Variants in OR10A7 observed in about 807,000 individuals in gnomAD.
OR10A7 encodes olfactory receptor 10A7.
For synonymous variants in OR10A7, 151 were observed against 137.2 expected (o/e 1.10, Z -0.70); for missense variants, 434 against 383.6 (o/e 1.13, Z -1.10).
At position 55,221,232 on chromosome 12, in the gene OR10A7, G is replaced by A. The variant is rs760505741; in HGVS notation, c.208G>A (p.Glu70Lys). Residue 70 changes from glutamate (E) to lysine (K), a missense_variant, in exon 1 of 1, where the codon GAA becomes AAA. Glu to Lys is a moderately conservative substitution (Grantham distance 56). Coordinates refer to ENST00000326258, the MANE Select transcript of OR10A7 (RefSeq NM_001005280.1). The stretch of plus-strand genomic sequence containing the variant: ...CTTTCTTCAAAATCTGTCACTTCTT[G>A]AAGTATGTTTCACCTTGGTTATGGT... ...YFFLQNLSLLEVCFTLVMVPK... is the reference protein window; with the variant it reads ...YFFLQNLSLLKVCFTLVMVPK... The A allele has an allele frequency of 1.2e-5, 19 of 1,613,724 alleles. No individual in the cohort carries two copies. In the African/African-American group the frequency reaches 1.9e-4, roughly 16 times the overall value.
Position 55,221,849 on chromosome 12 carries a change from A to G in OR10A7, c.825A>G (p.Ser275=). 6.2e-7 allele frequency: 1 copy of G among 1,613,718 alleles called. No homozygotes were observed. The highest frequency in any genetic ancestry group is 1.1e-5 in the South Asian group (1 of 91,084). The change falls in exon 1 of 1, where the codon TCA becomes TCG. Residue 275 remains serine (S), a synonymous_variant. Coordinates refer to ENST00000326258, the MANE Select transcript of OR10A7 (RefSeq NM_001005280.1). ...CCCCTGAGAGCAAGAAGCTAGTGTCATTGTCCTACACTGTCATCACACCTA... is the reference window on the plus strand; with the variant it reads ...CCCCTGAGAGCAAGAAGCTAGTGTCGTTGTCCTACACTGTCATCACACCTA... The part of the protein sequence containing the change: ...NQSPESKKLV[S]LSYTVITPML...
At position 55,221,750 on chromosome 12, in the gene OR10A7, C is replaced by T. The variant is rs754261712; in HGVS notation, c.726C>T (p.Ser242=). 1.6e-5 allele frequency: 26 copies of T among 1,613,694 alleles called. No individual in the cohort carries two copies. Among genetic ancestry groups the T allele is most frequent in the Non-Finnish European group, 2.2e-5 (26 of 1,179,770 alleles). ...TGRQKAFSTC[S]SHLIVVSLFY... ...GCCAGAAGGCATTTTCTACTTGTTC[C>T]TCACACCTCATTGTGGTGTCCCTCT... Residue 242 remains serine (S), a synonymous_variant, in exon 1 of 1, where the codon TCC becomes TCT. Coordinates refer to ENST00000326258, the MANE Select transcript of OR10A7 (RefSeq NM_001005280.1).
rs138358769 is a variant in OR10A7 at position 55,221,682 on chromosome 12, C to T, written c.658C>T (p.Arg220Cys). The T allele has an allele frequency of 1.3e-5, 21 of 1,613,676 alleles. No homozygotes were observed. In the Admixed American group the frequency reaches 1.8e-4, roughly 14 times the overall value. ...TTGTCTCATTTTGGTTTCCTACACC[C>T]GCATTATCATAACAATTCTGAGGAT... ...PFCLILVSYT[R>C]IIITILRMSS... Residue 220 changes from arginine (R) to cysteine (C), a missense_variant, in exon 1 of 1, where the codon CGC becomes TGC. By Grantham distance (180) the Arg-to-Cys change is radical. Transcript: ENST00000326258.
At position 55,221,489 on chromosome 12, in the gene OR10A7, G is replaced by A. The variant is rs779428750; in HGVS notation, c.465G>A (p.Val155=). The A allele has an allele frequency of 6.2e-7, 1 of 1,613,638 alleles. No homozygotes were observed. The highest frequency in any genetic ancestry group is 1.3e-5 in the African/African-American group (1 of 74,848). ...AIGSWMSGVP[V]SMLQTAWMMA... Reference sequence around the variant, plus strand: ...GCTCTTGGATGTCCGGTGTTCCTGTGTCTATGCTACAGACAGCTTGGATGA... The same window carrying A: ...GCTCTTGGATGTCCGGTGTTCCTGTATCTATGCTACAGACAGCTTGGATGA... The change falls in exon 1 of 1, where the codon GTG becomes GTA. Residue 155 remains valine, a synonymous_variant. Coordinates refer to ENST00000326258, the MANE Select transcript of OR10A7 (RefSeq NM_001005280.1).
rs1489055903 is a variant in OR10A7, at chr12:55,221,480, T to C, written c.456T>C (p.Gly152=). The C allele has an allele frequency of 6.2e-7, 1 of 1,613,646 alleles. No homozygotes were observed. Among genetic ancestry groups the C allele is most frequent in the African/African-American group, 1.3e-5 (1 of 74,848 alleles). Residue 152 remains glycine (G), a synonymous_variant, in exon 1 of 1, where the codon GGT becomes GGC. Coordinates refer to ENST00000326258, the MANE Select transcript of OR10A7 (RefSeq NM_001005280.1). Reference sequence around the variant, plus strand: ...TGGCCATAGGCTCTTGGATGTCCGGTGTTCCTGTGTCTATGCTACAGACAG... The same window carrying C: ...TGGCCATAGGCTCTTGGATGTCCGGCGTTCCTGTGTCTATGCTACAGACAG... ...LWMAIGSWMS[G]VPVSMLQTAW... is the part of the protein sequence containing the mutation.
Position 55,221,437 on chromosome 12 carries a change from G to A in OR10A7, c.413G>A (p.Arg138Lys). The change falls in exon 1 of 1, where the codon AGG becomes AAG. Residue 138 changes from arginine to lysine, a missense_variant. Physicochemically the swap from Arg to Lys is conservative, Grantham distance 26. Transcript: ENST00000326258. Reference protein sequence around the residue: ...NPLHYSVIMNRSLCLWMAIGS... With the variant: ...NPLHYSVIMNKSLCLWMAIGS... ...CTCCATTATTCAGTCATAATGAACA[G>A]GTCCCTATGCTTGTGGATGGCCATA... 1.2e-6 allele frequency: 2 copies of A among 1,613,764 alleles called. No homozygotes were observed. Among genetic ancestry groups the A allele is most frequent in the Non-Finnish European group, 1.7e-6 (2 of 1,179,858 alleles).
In OR10A7 at chr12:55,221,916, A is replaced by T; in HGVS notation, c.892A>T (p.Lys298Ter). 6.2e-7 allele frequency: 1 copy of T among 1,612,654 alleles called. No homozygotes were observed. The highest frequency in any genetic ancestry group is 8.5e-7 in the Non-Finnish European group (1 of 1,179,754). ...IIYGLRNNEV[K>*]GAVKRTITQK... ...CTACGGCCTGAGGAACAATGAAGTG[A>T]AAGGGGCTGTCAAGAGGACAATCAC... The change falls in exon 1 of 1, where the codon AAA becomes TAA. Residue 298 changes from lysine to a stop codon, truncating the protein, a stop_gained. Coordinates refer to ENST00000326258, the MANE Select transcript of OR10A7 (RefSeq NM_001005280.1). LOFTEE classifies it low-confidence loss of function (END_TRUNC).
At position 55,221,184 on chromosome 12, in the gene OR10A7, G is replaced by C; in HGVS notation, c.160G>C (p.Ala54Pro). Reference sequence around the variant, plus strand: ...TGTCACAGTTACCAGTGTGGATCTCGCACTTCAAACACCCATGTACTTCTT... The same window carrying C: ...TGTCACAGTTACCAGTGTGGATCTCCCACTTCAAACACCCATGTACTTCTT... ...LIVTVTSVDL[A>P]LQTPMYFFLQ... The change falls in exon 1 of 1, where the codon GCA becomes CCA. Residue 54 changes from alanine to proline, a missense_variant. Ala to Pro is a conservative substitution (Grantham distance 27). Transcript: ENST00000326258. 6.2e-7 allele frequency: 1 copy of C among 1,604,724 alleles called. No homozygotes were observed. Among genetic ancestry groups the C allele is most frequent in the South Asian group, 1.1e-5 (1 of 90,738 alleles).
rs759929972 is a variant in OR10A7, at chr12:55,221,812, A to G, written c.788A>G (p.Lys263Arg). ...GCCAGTCTGACCTACCTGCGGCCCA[A>G]ATCAAACCAGTCCCCTGAGAGCAAG... is the stretch of plus-strand genomic sequence containing the variant. The part of the protein sequence containing the change: ...GTASLTYLRP[K>R]SNQSPESKKL... Residue 263 changes from lysine to arginine, a missense_variant, in exon 1 of 1, where the codon AAA (lysine) becomes AGA (arginine). By Grantham distance (26) the Lys-to-Arg change is conservative (BLOSUM62 2). Transcript: ENST00000326258. 11 of 1,613,810 alleles carry G rather than the reference A, an allele frequency of 6.8e-6. No individual in the cohort carries two copies. The highest frequency in any genetic ancestry group is 8.5e-6 in the Non-Finnish European group (10 of 1,179,868).
In OR10A7 at chr12:55,221,670, G is replaced by C. The variant is rs750721946; in HGVS notation, c.646G>C (p.Val216Leu). 6.2e-7 allele frequency: 1 copy of C among 1,613,696 alleles called. No homozygotes were observed. ...CATGTTTCCCTTTTGTCTCATTTTGGTTTCCTACACCCGCATTATCATAAC... is the reference window on the plus strand; with the variant it reads ...CATGTTTCCCTTTTGTCTCATTTTGCTTTCCTACACCCGCATTATCATAAC... The part of the protein sequence containing the change: ...FIMFPFCLIL[V>L]SYTRIIITIL... Residue 216 changes from valine (V) to leucine (L), a missense_variant, in exon 1 of 1, where the codon GTT becomes CTT. Val to Leu is a conservative substitution (Grantham distance 32). Transcript: ENST00000326258.
chr12:55,221,673 T>A lies in OR10A7; in HGVS notation c.649T>A (p.Ser217Thr). 1 of 1,613,818 alleles carries A rather than the reference T, an allele frequency of 6.2e-7. No homozygotes were observed. Among genetic ancestry groups the A allele is most frequent in the Middle Eastern group, 1.6e-4 (1 of 6,062 alleles). ...IMFPFCLILV[S>T]YTRIIITILR... Reference sequence around the variant, plus strand: ...GTTTCCCTTTTGTCTCATTTTGGTTTCCTACACCCGCATTATCATAACAAT... The same window carrying A: ...GTTTCCCTTTTGTCTCATTTTGGTTACCTACACCCGCATTATCATAACAAT... Residue 217 changes from serine to threonine, a missense_variant, in exon 1 of 1, where the codon TCC (serine) becomes ACC (threonine). Coordinates refer to ENST00000326258, the MANE Select transcript of OR10A7 (RefSeq NM_001005280.1).
rs147522320 is a variant in OR10A7, at chr12:55,221,180, T to A, written c.156T>A (p.Asp52Glu). The A allele has an allele frequency of 3.0e-5, 49 of 1,613,930 alleles. No individual in the cohort carries two copies. In the African/African-American group the frequency reaches 5.3e-4, roughly 18 times the overall value. Residue 52 changes from aspartate (D) to glutamate (E), a missense_variant, in exon 1 of 1, where the codon GAT (aspartate) becomes GAA (glutamate). Physicochemically the swap from Asp to Glu is conservative, Grantham distance 45. Coordinates refer to ENST00000326258, the MANE Select transcript of OR10A7 (RefSeq NM_001005280.1). The stretch of plus-strand genomic sequence containing the variant: ...TTATTGTCACAGTTACCAGTGTGGA[T>A]CTCGCACTTCAAACACCCATGTACT... ...NFLIVTVTSVDLALQTPMYFF... is the reference protein window; with the variant it reads ...NFLIVTVTSVELALQTPMYFF...
In OR10A7 at chr12:55,221,048, A is replaced by G. The variant is rs2136305821; in HGVS notation, c.24A>G (p.Arg8=). The part of the protein sequence containing the change: MICENHT[R]VTEFILLGFT... ...ATATGATCTGTGAAAATCACACCAG[A>G]GTCACTGAATTTATTCTTCTTGGTT... The change falls in exon 1 of 1, where the codon AGA becomes AGG. Residue 8 remains arginine (R), a synonymous_variant. Transcript: ENST00000326258. 6.2e-7 allele frequency: 1 copy of G among 1,610,882 alleles called. No individual in the cohort carries two copies. The highest frequency in any genetic ancestry group is 1.3e-5 in the African/African-American group (1 of 74,894).
chr12:55,221,805 C>A lies in OR10A7; in HGVS notation c.781C>A (p.Arg261=), dbSNP rs150231994. Residue 261 remains arginine, a synonymous_variant, in exon 1 of 1, where the codon CGG becomes AGG. Coordinates refer to ENST00000326258, the MANE Select transcript of OR10A7 (RefSeq NM_001005280.1). ...FYGTASLTYL[R]PKSNQSPESK... ...CGGAACAGCCAGTCTGACCTACCTG[C>A]GGCCCAAATCAAACCAGTCCCCTGA... 1.6e-4 allele frequency: 258 copies of A among 1,613,760 alleles called. No homozygotes were observed. Among genetic ancestry groups the A allele is most frequent in the East Asian group, 1.0e-3 (45 of 44,854 alleles).
At position 55,221,903 on chromosome 12, in the gene OR10A7, G is replaced by A. The variant is rs2136306334; in HGVS notation, c.879G>A (p.Arg293=). The A allele has an allele frequency of 6.2e-7, 1 of 1,613,146 alleles. No homozygotes were observed. Among genetic ancestry groups the A allele is most frequent in the Non-Finnish European group, 8.5e-7 (1 of 1,179,784 alleles). ...TAAACCCCATCATCTACGGCCTGAG[G>A]AACAATGAAGTGAAAGGGGCTGTCA... ...PMLNPIIYGL[R]NNEVKGAVKR... The change falls in exon 1 of 1, where the codon AGG becomes AGA. Residue 293 remains arginine (R), a synonymous_variant. Coordinates refer to ENST00000326258, the MANE Select transcript of OR10A7 (RefSeq NM_001005280.1).
Position 55,221,806 on chromosome 12 carries a change from G to C in OR10A7, c.782G>C (p.Arg261Pro). 1 of 1,613,672 alleles carries C rather than the reference G, an allele frequency of 6.2e-7. No homozygotes were observed. Among genetic ancestry groups the C allele is most frequent in the Non-Finnish European group, 8.5e-7 (1 of 1,179,866 alleles). ...GGAACAGCCAGTCTGACCTACCTGC[G>C]GCCCAAATCAAACCAGTCCCCTGAG... ...FYGTASLTYLRPKSNQSPESK... is the reference protein window; with the variant it reads ...FYGTASLTYLPPKSNQSPESK... The change falls in exon 1 of 1, where the codon CGG becomes CCG. Residue 261 changes from arginine to proline, a missense_variant. Transcript: ENST00000326258.
In OR10A7 at chr12:55,221,105, CT is replaced by C; in HGVS notation, c.84del (p.Phe28LeufsTer56). ...TNNPEMQVSL[F>X]IFFLAIYTVT... ...ACAACCCCGAGATGCAAGTTTCCCT[CT>C]TTATTTTTTTCCTGGCCATTTATAC... is the stretch of plus-strand genomic sequence containing the variant. On this transcript the variant is annotated frameshift_variant, in exon 1 of 1. Transcript: ENST00000326258. LOFTEE classifies it low-confidence loss of function (END_TRUNC). 6.2e-7 allele frequency: 1 copy of C among 1,613,770 alleles called. No homozygotes were observed. Among genetic ancestry groups the C allele is most frequent in the East Asian group, 2.2e-5 (1 of 44,870 alleles).
At position 55,221,369 on chromosome 12, in the gene OR10A7, C is replaced by T. The variant is rs1954115113; in HGVS notation, c.345C>T (p.Leu115=). 3 of 1,613,660 alleles carry T rather than the reference C, an allele frequency of 1.9e-6. No homozygotes were observed. The highest frequency in any genetic ancestry group is 1.3e-5 in the African/African-American group (1 of 74,884). ...FFFGSSECFL[L]SMMAYDRFVA... ...TTGGCAGTTCTGAATGTTTCCTTCT[C>T]TCCATGATGGCTTATGATCGCTTTG... is the stretch of plus-strand genomic sequence containing the variant. Residue 115 remains leucine (L), a synonymous_variant, in exon 1 of 1, where the codon CTC becomes CTT. Coordinates refer to ENST00000326258, the MANE Select transcript of OR10A7 (RefSeq NM_001005280.1).
In OR10A7 at chr12:55,221,862, G is replaced by A; in HGVS notation, c.838G>A (p.Val280Ile). The change falls in exon 1 of 1, where the codon GTC becomes ATC. Residue 280 changes from valine to isoleucine, a missense_variant. Transcript: ENST00000326258. ...SKKLVSLSYT[V>I]ITPMLNPIIY... ...GAAGCTAGTGTCATTGTCCTACACT[G>A]TCATCACACCTATGCTAAACCCCAT... 1 of 1,613,628 alleles carries A rather than the reference G, an allele frequency of 6.2e-7. No individual in the cohort carries two copies. The highest frequency in any genetic ancestry group is 8.5e-7 in the Non-Finnish European group (1 of 1,179,746).
Sources: gnomAD v4.1 joint callset for allele counts on GRCh38, gnomAD v4.1.1 for gene constraint, MANE v1.5 for transcripts, NCBI Gene and HGNC (gene_info 2026-07-23, HGNC 2026-07-21) for gene names.